Variants in DCDC2C observed in about 807,000 individuals in gnomAD.
DCDC2C encodes the protein doublecortin domain-containing protein 2C.
In DCDC2C, 44 loss-of-function variants were observed where a neutral mutation model predicts 45.0. The observed-to-expected ratio is 0.98, with a 90% confidence interval of 0.77 to 1.26. The LOEUF (loss-of-function observed/expected upper bound fraction) is 1.26, where lower values mean the gene tolerates loss of function less well. Ranked by LOEUF, DCDC2C falls within the 50% of genes most tolerant of loss-of-function variation. The pLI is 0.00. For missense variants in DCDC2C, 447 were observed against 468.9 expected (o/e 0.95, Z 0.43); for synonymous variants, 187 against 178.8 (o/e 1.05, Z -0.37).
chr2:3,773,382 C>T (rs974176216), intron 8 of DCDC2C, among the ~76,000 whole-genome samples: 1 of 152,082 alleles, frequency 6.6e-6, no homozygotes, highest in Non-Finnish European at 1.5e-5. Context: ...TCCACCCCTC[C>T]CCCACCATCT....
chr2:3,834,242 G>A (rs2148237920), intron 10 of DCDC2C, among the ~76,000 whole-genome samples: 1 of 152,230 alleles, frequency 6.6e-6, no homozygotes, highest in Middle Eastern at 3.4e-3. Flanking sequence ...CTCTCTTGGT[G>A]TTCCACATTC....
At chr2:3,822,349 GT>G (rs1186190291) in intron 10 of DCDC2C, among the ~76,000 whole-genome samples, 1 of 152,242 alleles carries the variant, frequency 6.6e-6, no homozygotes, top group East Asian at 1.9e-4. Context: ...ACTTTCAGTA[GT>G]TTGTGTCTTT....
chr2:3,774,013 G>A (rs1044219426), intron 8 of DCDC2C, among the ~76,000 whole-genome samples: 12 of 152,196 alleles, frequency 7.9e-5, no homozygotes, highest in African/African-American at 1.2e-4. Context: ...CCTGCACTGT[G>A]CCTCCAAGGG....
intron 2 of DCDC2C, among the ~76,000 whole-genome samples, chr2:3,725,357 T>TG (rs1308942431): frequency 6.7e-6 from 1 of 149,432 alleles, no homozygotes; most frequent in Non-Finnish European, 1.5e-5. Context: ...ATGGACTGGC[T>TG]GGGGACCAGG....
At chr2:3,759,571 A>G (rs892542068) in intron 6 of DCDC2C, among the ~76,000 whole-genome samples, 1 of 152,160 alleles carries the variant, frequency 6.6e-6, no homozygotes, top group Non-Finnish European at 1.5e-5. Flanking sequence ...GATTCCAGGG[A>G]TGGCGGGAGG....
At chr2:3,799,236 A>G (rs1238697879) in intron 10 of DCDC2C, among the ~76,000 whole-genome samples, 1 of 151,964 alleles carries the variant, frequency 6.6e-6, no homozygotes, top group Non-Finnish European at 1.5e-5. Context: ...TCCTTTAAGC[A>G]CTTCTCTGTA....
intron 8 of DCDC2C, among the ~76,000 whole-genome samples, chr2:3,774,754 A>AAATTTTG (rs1670282847): frequency 6.6e-6 from 1 of 150,628 alleles, no homozygotes; most frequent in Non-Finnish European, 1.5e-5. Flanking sequence ...GTATTTGAAA[A>AAATTTTG]AATTTTGAAT....
intron 2 of DCDC2C, chr2:3,725,978 A>C (rs2148073335): frequency 6.4e-6 from 1 of 156,420 alleles, no homozygotes; most frequent in Non-Finnish European, 1.4e-5. Context: ...GGGAGGTGAC[A>C]GAGCGGGACC....
Position 3,747,901 on chromosome 2 carries a change from G to T in DCDC2C, c.546-4862G>T, listed in dbSNP as rs145898096. 1.5e-4 allele frequency among the ~76,000 whole-genome samples: 23 copies of T among 152,298 alleles called. No individual in the cohort carries two copies. The East Asian group carries it at 4.3e-3, about 28-fold the overall frequency. On this transcript the variant is annotated intron_variant, in intron 4 of 10. Coordinates refer to ENST00000399143, the MANE Select transcript of DCDC2C (RefSeq NM_001287444.2). ...GGAATGAAGCAGGGCAGGGCTTGCGGTGAGTCACTGGGCTGGTCAGGGCGG... is the reference window on the plus strand; with the variant it reads ...GGAATGAAGCAGGGCAGGGCTTGCGTTGAGTCACTGGGCTGGTCAGGGCGG...
chr2:3,771,251 G>A (rs540177529), intron 8 of DCDC2C, among the ~76,000 whole-genome samples: 97 of 152,334 alleles, frequency 6.4e-4, no homozygotes, highest in African/African-American at 2.3e-3. Context: ...TGGGGAGGAC[G>A]TTGCCTCACC....
At chr2:3,766,379 C>A (rs1670013939) in intron 6 of DCDC2C, among the ~76,000 whole-genome samples, 1 of 152,018 alleles carries the variant, frequency 6.6e-6, no homozygotes, top group African/African-American at 2.4e-5. Context: ...TGTGTCTCAA[C>A]AACCAGAGTT....
At chr2:3,724,879 C>G (rs1668594915) in intron 2 of DCDC2C, among the ~76,000 whole-genome samples, 1 of 152,160 alleles carries the variant, frequency 6.6e-6, no homozygotes, top group Non-Finnish European at 1.5e-5. Context: ...CAGGGCAGAG[C>G]TGGGAAGTGA....
intron 1 of DCDC2C, 112 bp downstream of exon 1, chr2:3,704,150 C>T: frequency 5.9e-6 from 6 of 1,022,858 alleles, no homozygotes; most frequent in South Asian, 5.2e-5. Context: ...CCTCCCGGCT[C>T]GGGCGCCCAT....
At chr2:3,816,386 G>A (rs1671559595) in intron 10 of DCDC2C, among the ~76,000 whole-genome samples, 1 of 152,128 alleles carries the variant, frequency 6.6e-6, no homozygotes, top group Non-Finnish European at 1.5e-5. Context: ...CATACACCAG[G>A]CCAGATTGAT....
chr2:3,710,689 G>A (rs566765578), intron 2 of DCDC2C, among the ~76,000 whole-genome samples: 1 of 152,248 alleles, frequency 6.6e-6, no homozygotes, highest in Admixed American at 6.5e-5. Flanking sequence ...TTACACCCAT[G>A]AGTACCTACT....
chr2:3,837,622 A>ATACAGTATAAAG (rs1558249632), intron 10 of DCDC2C, among the ~76,000 whole-genome samples: 1 of 124,482 alleles, frequency 8.0e-6, no homozygotes, highest in Admixed American at 8.0e-5. Flanking sequence ...GAAACTGAGG[A>ATACAGTATAAAG]AGAAATCAGC....
intron 10 of DCDC2C, among the ~76,000 whole-genome samples, chr2:3,820,327 A>C (rs1671656890): frequency 6.6e-6 from 1 of 152,146 alleles, no homozygotes; most frequent in East Asian, 1.9e-4. Flanking sequence ...AGAGGTTTTA[A>C]GTTTTTGAGA....
chr2:3,778,682 G>T, intron 8 of DCDC2C, 134 bp from the exon 9 acceptor site: 1 of 738,142 alleles, frequency 1.4e-6, no homozygotes, highest in Non-Finnish European at 2.2e-6. Flanking sequence ...CCTGCATCTG[G>T]AGAAACTGCA....
intron 9 of DCDC2C, among the ~76,000 whole-genome samples, chr2:3,784,577 T>A (rs957190138): frequency 7.9e-5 from 12 of 151,912 alleles, no homozygotes; most frequent in Non-Finnish European, 1.5e-4. Flanking sequence ...ATAACAAATA[T>A]TAATATATTA....
Sources: gnomAD v4.1 joint callset for allele counts (sites outside exome capture counted in the v4.1 genomes callset) on GRCh38, gnomAD v4.1.1 for gene constraint, MANE v1.5 for transcripts, NCBI Gene and HGNC (gene_info 2026-07-23, HGNC 2026-07-21) for gene names.